Variants in STXBP5L observed in about 807,000 individuals in gnomAD.
The protein encoded by STXBP5L is syntaxin-binding protein 5-like.
In STXBP5L, 65 loss-of-function variants were observed where a neutral mutation model predicts 144.5. The ratio of observed to expected loss-of-function variants is 0.45; its 90% confidence interval spans 0.37 to 0.55. STXBP5L has a LOEUF of 0.55. Ranked by LOEUF, STXBP5L falls within the 20% of genes least tolerant of loss-of-function variation. The pLI, the probability that STXBP5L is intolerant of heterozygous loss-of-function variation, is 0.00. For missense variants in STXBP5L, 1,298 were observed against 1,405.5 expected (o/e 0.92, Z 1.22); for synonymous variants, 505 against 469.6 (o/e 1.08, Z -0.97).
chr3:121,149,435 G>A (rs1000290820), intron 7 of STXBP5L, among the ~76,000 whole-genome samples: 1 of 151,932 alleles, frequency 6.6e-6, no homozygotes, highest in African/African-American at 2.4e-5. Flanking sequence ...AGGCAAGGAT[G>A]CTTAGCCTCT....
intron 3 of STXBP5L, among the ~76,000 whole-genome samples, chr3:120,985,919 T>C (rs1304893695): frequency 6.6e-6 from 1 of 151,974 alleles, no homozygotes; most frequent in African/African-American, 2.4e-5. Flanking sequence ...TTAATTTGTC[T>C]CTGCTCTAAT....
chr3:120,949,058 A>G (rs546645677), intron 2 of STXBP5L, among the ~76,000 whole-genome samples: 7 of 151,820 alleles, frequency 4.6e-5, no homozygotes, highest in Non-Finnish European at 1.0e-4. Context: ...CACCACATCC[A>G]CGCCAACATC....
chr3:121,417,695 C>T (rs1340801048), intron 25 of STXBP5L, among the ~76,000 whole-genome samples: 1 of 152,182 alleles, frequency 6.6e-6, no homozygotes, highest in Non-Finnish European at 1.5e-5. Context: ...GAACTCCTGA[C>T]CTCAGGTGAT....
intron 5 of STXBP5L, among the ~76,000 whole-genome samples, chr3:121,082,263 A>G (rs2042280392): frequency 6.6e-6 from 1 of 152,100 alleles, no homozygotes; most frequent in Non-Finnish European, 1.5e-5. Context: ...GTATGTCTCT[A>G]CATTTACTTA....
At chr3:121,312,831 A>G (rs1222549793) in intron 19 of STXBP5L, among the ~76,000 whole-genome samples, 1 of 152,120 alleles carries the variant, frequency 6.6e-6, no homozygotes, top group Non-Finnish European at 1.5e-5. Flanking sequence ...CTAGTACAGA[A>G]CAAAATGAAA....
At position 121,323,109 on chromosome 3, in the gene STXBP5L, G is replaced by A. The variant is rs537567723; in HGVS notation, c.2176+4569G>A. On this transcript the variant is annotated intron_variant, in intron 20 of 26. Transcript: ENST00000471454. ...TGGATATTATAACTTAGTTGGATGC[G>A]TAGGTTACAAATATTTTCTCCCATT... Among the ~76,000 whole-genome samples, 152 of 152,192 alleles carry A rather than the reference G, an allele frequency of 1.0e-3. 1 individual carries two copies. Among genetic ancestry groups the A allele is most frequent in the African/African-American group, 3.5e-3 (146 of 41,540 alleles).
chr3:121,307,407 G>T (rs2108504816), intron 19 of STXBP5L, among the ~76,000 whole-genome samples: 1 of 152,236 alleles, frequency 6.6e-6, no homozygotes, highest in Non-Finnish European at 1.5e-5. Flanking sequence ...AAGACACTAT[G>T]CTTAAAGAAG....
At chr3:121,015,350 C>G (rs1047150520) in intron 3 of STXBP5L, among the ~76,000 whole-genome samples, 1 of 152,072 alleles carries the variant, frequency 6.6e-6, no homozygotes, top group Non-Finnish European at 1.5e-5. Flanking sequence ...AGATGTTGAT[C>G]AGTCTTAAAA....
At chr3:121,216,835 T>C (rs1577235375) in intron 10 of STXBP5L, among the ~76,000 whole-genome samples, 2 of 152,180 alleles carry the variant, frequency 1.3e-5, no homozygotes, top group Admixed American at 6.5e-5. Context: ...GTTTTATCTA[T>C]AAGCCCTGAC....
intron 20 of STXBP5L, among the ~76,000 whole-genome samples, chr3:121,336,679 G>T (rs1182218960): frequency 6.6e-6 from 1 of 152,072 alleles, no homozygotes; most frequent in African/African-American, 2.4e-5. Context: ...TTAAACTATT[G>T]TGGAAAGCAG....
chr3:121,337,574 A>T (rs1485854822), intron 20 of STXBP5L, among the ~76,000 whole-genome samples: 1 of 152,072 alleles, frequency 6.6e-6, no homozygotes, highest in South Asian at 2.1e-4. Flanking sequence ...TTACTACCAG[A>T]CCTAAGAAAA....
chr3:121,088,270 A>AGACATGAAC (rs2042596266), intron 5 of STXBP5L, among the ~76,000 whole-genome samples: 1 of 126,992 alleles, frequency 7.9e-6, no homozygotes, highest in East Asian at 2.2e-4. Flanking sequence ...CCCCATCAAA[A>AGACATGAAC]AGTGGGCGAA....
chr3:121,223,581 C>A (rs1342804240), intron 11 of STXBP5L, among the ~76,000 whole-genome samples: 1 of 152,154 alleles, frequency 6.6e-6, no homozygotes, highest in Non-Finnish European at 1.5e-5. Context: ...TGTTTCACAT[C>A]TGGCTTTGCT....
At chr3:120,974,751 T>G (rs573243749) in intron 3 of STXBP5L, among the ~76,000 whole-genome samples, 3 of 152,220 alleles carry the variant, frequency 2.0e-5, no homozygotes, top group Non-Finnish European at 4.4e-5. Flanking sequence ...AGTTTCAGCT[T>G]TCTACATATG....
At chr3:120,972,057 CA>C (rs993518963) in intron 3 of STXBP5L, among the ~76,000 whole-genome samples, 14 of 151,970 alleles carry the variant, frequency 9.2e-5, no homozygotes, top group Admixed American at 1.3e-4. Flanking sequence ...GCTATTGGGA[CA>C]TTTTTTTGGT....
intron 19 of STXBP5L, among the ~76,000 whole-genome samples, chr3:121,314,584 G>GCATCA (rs2043708123): frequency 1.5e-5 from 2 of 129,412 alleles, no homozygotes; most frequent in Non-Finnish European, 3.2e-5. Flanking sequence ...GGGAGACCGT[G>GCATCA]GAGGGAGAGG....
At chr3:121,034,498 C>T (rs1290844260) in intron 3 of STXBP5L, among the ~76,000 whole-genome samples, 1 of 151,862 alleles carries the variant, frequency 6.6e-6, no homozygotes, top group Admixed American at 6.6e-5. Flanking sequence ...CATTATATAT[C>T]TCTCTATATA....
chr3:121,035,150 C>A (rs1946666376), intron 3 of STXBP5L, among the ~76,000 whole-genome samples: 1 of 152,094 alleles, frequency 6.6e-6, no homozygotes, highest in African/African-American at 2.4e-5. Context: ...TATTTTCTCC[C>A]ATTCTGCAGG....
At chr3:121,213,551 A>C (rs1036619007) in intron 10 of STXBP5L, among the ~76,000 whole-genome samples, 26 of 152,308 alleles carry the variant, frequency 1.7e-4, no homozygotes, top group African/African-American at 5.8e-4. Context: ...CTTGCATCCC[A>C]GGTATGAAGC....
Sources: allele counts gnomAD v4.1 joint callset (sites outside exome capture counted in the v4.1 genomes callset), GRCh38; gene constraint gnomAD v4.1.1; transcripts MANE v1.5; gene names NCBI Gene and HGNC (gene_info 2026-07-23, HGNC 2026-07-21).